The following SCARA5 variants were observed in gnomAD, a reference collection of about 807,000 sequenced individuals.
The protein encoded by SCARA5 is scavenger receptor class A, member 5 (putative).
SCARA5 carries 45 observed loss-of-function variants against 46.3 expected under a neutral mutation model. That is an observed-to-expected ratio of 0.97 (90% CI 0.76 to 1.24). The LOEUF (loss-of-function observed/expected upper bound fraction) is 1.24, where lower values mean the gene tolerates loss of function less well. Ranked by LOEUF, SCARA5 falls within the 50% of genes most tolerant of loss-of-function variation. SCARA5 has a pLI of 0.00. For missense variants in SCARA5, 680 were observed against 689.0 expected, an observed-to-expected ratio of 0.99 and a Z score of 0.15; for synonymous variants, 333 against 306.5, an observed-to-expected ratio of 1.09 and a Z score of -0.90.
intron 3 of SCARA5, among the ~76,000 whole-genome samples, chr8:27,964,101 G>C (rs536746396): frequency 6.6e-6 from 1 of 152,116 alleles, no homozygotes; most frequent in African/African-American, 2.4e-5. Flanking sequence ...AAGGAGCATC[G>C]CTGAGGTCTT....
intron 2 of SCARA5, among the ~76,000 whole-genome samples, chr8:27,974,529 G>C (rs866817782): frequency 2.0e-5 from 3 of 152,030 alleles, no homozygotes; most frequent in African/African-American, 7.2e-5. Context: ...CTTTCTTCTT[G>C]TTGTCTTTGG....
At chr8:27,890,248 C>G (rs574879102) in intron 7 of SCARA5, among the ~76,000 whole-genome samples, 1 of 152,344 alleles carries the variant, frequency 6.6e-6, no homozygotes, top group East Asian at 1.9e-4. Flanking sequence ...ATGCCAGATC[C>G]TTCTCTTTTG....
At chr8:27,938,671 G>A (rs1431054542) in intron 3 of SCARA5, among the ~76,000 whole-genome samples, 1 of 152,188 alleles carries the variant, frequency 6.6e-6, no homozygotes. Context: ...AGAGATGGGC[G>A]TGAGGCTGCT....
At chr8:27,920,144 T>G (rs141971651) in intron 4 of SCARA5, among the ~76,000 whole-genome samples, 13 of 151,794 alleles carry the variant, frequency 8.6e-5, no homozygotes, top group Non-Finnish European at 1.9e-4. Flanking sequence ...ACAGCACGAG[T>G]ACAATGGAGG....
intron 3 of SCARA5, among the ~76,000 whole-genome samples, chr8:27,951,613 G>A (rs937684134): frequency 1.9e-4 from 29 of 152,168 alleles, no homozygotes; most frequent in African/African-American, 5.3e-4. Flanking sequence ...CGTCCTGCAC[G>A]GTGCCATCAG....
intron 3 of SCARA5, among the ~76,000 whole-genome samples, chr8:27,949,020 T>C (rs1808081218): frequency 6.6e-6 from 1 of 152,266 alleles, no homozygotes; most frequent in African/African-American, 2.4e-5. Flanking sequence ...GGTGCTAGTA[T>C]TCTTTGTGGG....
intron 3 of SCARA5, among the ~76,000 whole-genome samples, chr8:27,930,524 T>A (rs1380249080): frequency 6.6e-6 from 1 of 151,888 alleles, no homozygotes; most frequent in Non-Finnish European, 1.5e-5. Context: ...TGCCTCAGCC[T>A]CCGGAGTAGC....
At chr8:27,991,847 A>ACACACACACACATG (rs1372833494) in intron 1 of SCARA5, among the ~76,000 whole-genome samples, 3,409 of 151,024 alleles carry the variant, frequency 0.023, 125 homozygotes, top group African/African-American at 0.079. Flanking sequence ...ACAGACATGC[A>ACACACACACACATG]CACACACACA....
At chr8:27,908,408 A>T (rs2685359) in intron 5 of SCARA5, among the ~76,000 whole-genome samples, 1 of 152,162 alleles carries the variant, frequency 6.6e-6, no homozygotes, top group Non-Finnish European at 1.5e-5. Flanking sequence ...CCCTGGCCCC[A>T]TGAGGCCTGG....
At chr8:27,949,674 C>T (rs761591386) in intron 3 of SCARA5, among the ~76,000 whole-genome samples, 6 of 152,312 alleles carry the variant, frequency 3.9e-5, no homozygotes, top group East Asian at 3.9e-4. Flanking sequence ...CCACCCCAAC[C>T]GCATCCCATC....
At chr8:27,888,298 G>C (rs1222283751) in intron 7 of SCARA5, among the ~76,000 whole-genome samples, 1 of 152,204 alleles carries the variant, frequency 6.6e-6, no homozygotes, top group Non-Finnish European at 1.5e-5. Flanking sequence ...CTAGCTCTGA[G>C]GACCTGGAAG....
intron 4 of SCARA5, among the ~76,000 whole-genome samples, chr8:27,920,598 G>A (rs1807566486): frequency 7.0e-6 from 1 of 142,114 alleles, no homozygotes; most frequent in Non-Finnish European, 1.5e-5. Context: ...GAGCGACAGA[G>A]CGAGACTCCA....
At chr8:27,915,098 G>A (rs1008559242) in intron 4 of SCARA5, among the ~76,000 whole-genome samples, 1 of 152,200 alleles carries the variant, frequency 6.6e-6, no homozygotes, top group African/African-American at 2.4e-5. Context: ...ACAGGGTAGA[G>A]TGGCTCAGCA....
intron 2 of SCARA5, among the ~76,000 whole-genome samples, chr8:27,972,785 G>A (rs1808466628): frequency 1.3e-5 from 2 of 149,644 alleles, no homozygotes; most frequent in African/African-American, 4.9e-5. Context: ...GATCACTTGA[G>A]CCTAGGAGTT....
intron 3 of SCARA5, among the ~76,000 whole-genome samples, chr8:27,953,245 C>T (rs1310443756): frequency 6.6e-6 from 1 of 152,192 alleles, no homozygotes; most frequent in Non-Finnish European, 1.5e-5. Flanking sequence ...CTCGAGAGTC[C>T]GAAGCACAGA....
intron 1 of SCARA5, among the ~76,000 whole-genome samples, chr8:27,990,079 T>C (rs546826193): frequency 3.7e-4 from 56 of 152,298 alleles, no homozygotes; most frequent in African/African-American, 1.1e-3. Context: ...TCCACCTTCC[T>C]CCTCTTCTGG....
intron 1 of SCARA5, among the ~76,000 whole-genome samples, chr8:27,989,905 C>T (rs959176643): frequency 3.3e-5 from 5 of 152,254 alleles, no homozygotes; most frequent in Non-Finnish European, 7.3e-5. Context: ...AGCCCTCCCT[C>T]TGGCTTCACT....
At chr8:27,923,998 C>A (rs1807642578) in intron 3 of SCARA5, among the ~76,000 whole-genome samples, 2 of 152,182 alleles carry the variant, frequency 1.3e-5, no homozygotes, top group South Asian at 4.1e-4. Flanking sequence ...ATACTAAGAA[C>A]AGTGATGTGT....
At chr8:27,894,067 TAA>T (rs553721173) in intron 7 of SCARA5, among the ~76,000 whole-genome samples, 61 of 152,174 alleles carry the variant, frequency 4.0e-4, no homozygotes, top group Non-Finnish European at 7.4e-4. Context: ...AAGTCAGGCA[TAA>T]AAAGAGGAGA....
Sources: allele counts gnomAD v4.1 joint callset (sites outside exome capture counted in the v4.1 genomes callset), GRCh38; gene constraint gnomAD v4.1.1; transcripts MANE v1.5; gene names NCBI Gene and HGNC (gene_info 2026-07-23, HGNC 2026-07-21).